Variants in KCNC2 observed in about 807,000 individuals in gnomAD.
The protein encoded by KCNC2 is potassium voltage-gated channel subfamily C member 2.
A neutral mutation model predicts 44.5 loss-of-function variants in KCNC2; 21 were observed. The observed-to-expected ratio is 0.47, with a 90% CI of 0.33 to 0.68. The LOEUF is 0.68. Ranked by LOEUF, KCNC2 falls within the 30% of genes least tolerant of loss-of-function variation. KCNC2 has a pLI of 0.01. For synonymous variants in KCNC2, 391 were observed against 339.1 expected (o/e 1.15, Z -1.68); for missense variants, 589 against 826.2 (o/e 0.71, Z 3.52).
intron 2 of KCNC2, among the ~76,000 whole-genome samples, chr12:75,079,160 T>C (rs2137071254): frequency 6.6e-6 from 1 of 152,210 alleles, no homozygotes; most frequent in Admixed American, 6.5e-5. Flanking sequence ...TGTGGTGTTA[T>C]TAGTAAGAGA....
At chr12:75,058,380 T>C (rs1881966415) in intron 2 of KCNC2, among the ~76,000 whole-genome samples, 1 of 151,994 alleles carries the variant, frequency 6.6e-6, no homozygotes, top group African/African-American at 2.4e-5. Flanking sequence ...TAATTTGTCT[T>C]GGTATGATAT....
At chr12:75,125,132 G>A (rs138790130) in intron 2 of KCNC2, among the ~76,000 whole-genome samples, 4 of 152,124 alleles carry the variant, frequency 2.6e-5, no homozygotes, top group Non-Finnish European at 4.4e-5. Flanking sequence ...AAGTTTCTGG[G>A]CAAAAATGGT....
intron 2 of KCNC2, among the ~76,000 whole-genome samples, chr12:75,057,799 A>T (rs1027265865): frequency 1.3e-5 from 2 of 151,922 alleles, no homozygotes; most frequent in African/African-American, 2.4e-5. Context: ...TCTAACATAA[A>T]AAAAATACCC....
chr12:75,153,360 A>G (rs115238753), intron 2 of KCNC2, among the ~76,000 whole-genome samples: 3,779 of 152,090 alleles, frequency 0.025, 162 homozygotes, highest in African/African-American at 0.085. Context: ...ATTTACGTGT[A>G]ACATTTGACT....
intron 2 of KCNC2, among the ~76,000 whole-genome samples, chr12:75,199,549 A>G (rs2031064073): frequency 6.6e-6 from 1 of 151,930 alleles, no homozygotes; most frequent in South Asian, 2.1e-4. Context: ...TTACATTCCC[A>G]TCACATCATC....
At chr12:75,100,783 A>G (rs1461526788) in intron 2 of KCNC2, among the ~76,000 whole-genome samples, 1 of 152,074 alleles carries the variant, frequency 6.6e-6, no homozygotes, top group Non-Finnish European at 1.5e-5. Context: ...TCTAGACAAC[A>G]GTAGTTATAT....
At chr12:75,133,693 A>G (rs1001106480) in intron 2 of KCNC2, among the ~76,000 whole-genome samples, 5 of 152,024 alleles carry the variant, frequency 3.3e-5, no homozygotes, top group African/African-American at 1.2e-4. Context: ...TAAGTCTGAT[A>G]TAGTTTTTGA....
chr12:75,107,072 A>AG (rs1472062823), intron 2 of KCNC2, among the ~76,000 whole-genome samples: 2 of 151,880 alleles, frequency 1.3e-5, no homozygotes, highest in Non-Finnish European at 1.5e-5. Flanking sequence ...TGGGGGGCTG[A>AG]GGGGGGCAGA....
chr12:75,163,243 ATTTCCT>A (rs769058651), intron 2 of KCNC2, among the ~76,000 whole-genome samples: 50 of 151,822 alleles, frequency 3.3e-4, no homozygotes, highest in Middle Eastern at 3.4e-3. Flanking sequence ...CTGATATTTT[ATTTCCT>A]TAATCTCTGT....
rs1299311356 is a variant in KCNC2 at position 75,186,504 on chromosome 12, C to T, written c.687+20793G>A. Among the ~76,000 whole-genome samples, 3 of 150,510 alleles carry T rather than the reference C, an allele frequency of 2.0e-5. No homozygotes were observed. The East Asian group carries it at 5.8e-4, about 29-fold the overall frequency. On this transcript the variant is annotated intron_variant, in intron 2 of 4. Transcript: ENST00000549446. Reference sequence around the variant, plus strand: ...TTGTTATAGTTTACGTACAACCCATCTCCTTCTGTTGTAAAAAAAGGTTAT... The same window carrying T: ...TTGTTATAGTTTACGTACAACCCATTTCCTTCTGTTGTAAAAAAAGGTTAT...
At chr12:75,053,253 T>C (rs1300488187) in intron 2 of KCNC2, among the ~76,000 whole-genome samples, 1 of 77,224 alleles carries the variant, frequency 1.3e-5, no homozygotes, top group Admixed American at 1.6e-4. Flanking sequence ...TGCCAATATG[T>C]ACCTACTAAC....
At chr12:75,118,858 C>T (rs1052052427) in intron 2 of KCNC2, among the ~76,000 whole-genome samples, 4 of 152,084 alleles carry the variant, frequency 2.6e-5, no homozygotes, top group East Asian at 1.9e-4. Context: ...AACATCTAAC[C>T]GGACAGAATA....
chr12:75,207,152 G>T lies in KCNC2; in HGVS notation c.687+145C>A, dbSNP rs541524610. On this transcript the variant is annotated intron_variant, in intron 2 of 4. Coordinates refer to ENST00000549446, the MANE Select transcript of KCNC2 (RefSeq NM_139137.4). The surrounding 1 kb of genome is among the most constrained non-coding windows in gnomAD (Gnocchi z 4.1). The stretch of plus-strand genomic sequence containing the variant: ...GGGGTCCCTGGGTTTACCCTGCAAA[G>T]GATGAGCCTCTAACTGTATCGCTAG... The T allele has an allele frequency of 9.3e-6, 13 of 1,404,458 alleles. No individual in the cohort carries two copies. The highest frequency in any genetic ancestry group is 1.2e-5 in the Non-Finnish European group (13 of 1,072,146). The allele number at this position is 1,404,458 out of a possible 1,614,324, so 87.0% of individuals were successfully genotyped here.
intron 2 of KCNC2, among the ~76,000 whole-genome samples, chr12:75,161,573 T>C (rs1211586422): frequency 6.6e-6 from 1 of 151,700 alleles, no homozygotes; most frequent in Non-Finnish European, 1.5e-5. Flanking sequence ...TGCCATCTTC[T>C]CCTCTAGGAA....
intron 2 of KCNC2, among the ~76,000 whole-genome samples, chr12:75,171,438 A>G (rs1307977343): frequency 6.6e-6 from 1 of 151,878 alleles, no homozygotes; most frequent in East Asian, 1.9e-4. Flanking sequence ...GTAATTGCAA[A>G]TCATGCTTTT....
chr12:75,183,852 C>A (rs1892760483), intron 2 of KCNC2, among the ~76,000 whole-genome samples: 1 of 152,274 alleles, frequency 6.6e-6, no homozygotes, highest in African/African-American at 2.4e-5. Context: ...CTCACCGGGT[C>A]CTCCACAATC....
chr12:75,134,223 TA>T (rs572290183), intron 2 of KCNC2, among the ~76,000 whole-genome samples: 351 of 151,830 alleles, frequency 2.3e-3, no homozygotes, highest in South Asian at 5.8e-3. Context: ...TAAAATATAA[TA>T]AAAAAAGTTA....
chr12:75,075,741 A>G (rs1196826187), intron 2 of KCNC2, among the ~76,000 whole-genome samples: 1 of 152,046 alleles, frequency 6.6e-6, no homozygotes, highest in Admixed American at 6.5e-5. Context: ...TAAATAAAAG[A>G]AACTATACAT....
At chr12:75,100,360 C>A (rs909175837) in intron 2 of KCNC2, among the ~76,000 whole-genome samples, 2 of 151,986 alleles carry the variant, frequency 1.3e-5, no homozygotes, top group Admixed American at 1.3e-4. Context: ...GTCAGGAGAC[C>A]TAACTCCTTA....
Sources: gnomAD v4.1 joint callset for allele counts (sites outside exome capture counted in the v4.1 genomes callset) on GRCh38, gnomAD v4.1.1 for gene constraint, Gnocchi (gnomAD v3.1) non-coding constraint, MANE v1.5 for transcripts, NCBI Gene and HGNC (gene_info 2026-07-23, HGNC 2026-07-21) for gene names.